The following PDE3A variants were observed in gnomAD, a reference collection of about 807,000 sequenced individuals.
PDE3A encodes the protein cGMP-inhibited 3',5'-cyclic phosphodiesterase 3A.
In PDE3A, 43 loss-of-function variants were observed where a neutral mutation model predicts 98.3. That is an observed-to-expected ratio of 0.44 (90% CI 0.34 to 0.56). The LOEUF (loss-of-function observed/expected upper bound fraction) is 0.56, where lower values mean the gene tolerates loss of function less well. Ranked by LOEUF, PDE3A falls within the 20% of genes least tolerant of loss-of-function variation. PDE3A has a pLI of 0.01. For synonymous variants in PDE3A, 663 were observed against 567.9 expected, an observed-to-expected ratio of 1.17 and a Z score of -2.38; for missense variants, 1,427 against 1,440.7, an observed-to-expected ratio of 0.99 and a Z score of 0.15.
chr12:20,522,168 A>G (rs946831492), intron 1 of PDE3A, among the ~76,000 whole-genome samples: 1 of 152,036 alleles, frequency 6.6e-6, no homozygotes, highest in Admixed American at 6.6e-5. Flanking sequence ...GCTTAAGTTT[A>G]CCCTACAGCA....
chr12:20,545,738 G>A (rs1942033674), intron 1 of PDE3A, among the ~76,000 whole-genome samples: 1 of 147,666 alleles, frequency 6.8e-6, no homozygotes, highest in African/African-American at 2.5e-5. Flanking sequence ...CAGTCCTCTT[G>A]CCCTACCCCA....
At chr12:20,388,174 G>A (rs1182666968) in intron 1 of PDE3A, among the ~76,000 whole-genome samples, 1 of 151,978 alleles carries the variant, frequency 6.6e-6, no homozygotes, top group Non-Finnish European at 1.5e-5. Flanking sequence ...GGTGCTTTTA[G>A]GAATGGTAAT....
chr12:20,656,123 T>C (rs1313400133), intron 15 of PDE3A, among the ~76,000 whole-genome samples: 4 of 152,202 alleles, frequency 2.6e-5, no homozygotes, highest in Admixed American at 1.3e-4. Flanking sequence ...CCTAAGAACA[T>C]AGTATGTGAT....
Position 20,681,178 on chromosome 12 carries a change from A to T in PDE3A, c.*907A>T, listed in dbSNP as rs374759223. 6.6e-6 allele frequency: 1 copy of T among 152,192 alleles called. No homozygotes were observed. Among genetic ancestry groups the T allele is most frequent in the South Asian group, 2.1e-4 (1 of 4,828 alleles). 9.4% of individuals were successfully genotyped at this position (152,192 alleles called of 1,614,324 possible). On this transcript the variant is annotated 3_prime_UTR_variant, in exon 16 of 16. Transcript: ENST00000359062. ...TGAAGGAGCTCTATCACCAGCCTCA[A>T]ACCCGAAAGACTGAGGCATTTTCCA...
In PDE3A at chr12:20,683,365, T is replaced by G. The variant is rs1419412947; in HGVS notation, c.*3094T>G. 6.6e-6 allele frequency: 1 copy of G among 152,200 alleles called. No individual in the cohort carries two copies. Among genetic ancestry groups the G allele is most frequent in the Non-Finnish European group, 1.5e-5 (1 of 68,040 alleles). The allele number at this position is 152,200 out of a possible 1,614,324, so 9.4% of individuals were successfully genotyped here. A position where few individuals can be genotyped will look rare whatever the true frequency, so the allele number is the denominator to read the frequency against. On this transcript the variant is annotated 3_prime_UTR_variant, in exon 16 of 16. Transcript: ENST00000359062. ...AGCCTATTTATAGGTGCCATTAAAC[T>G]CAGGTCTTTCAAATGAAAGAGTTTC...
intron 1 of PDE3A, among the ~76,000 whole-genome samples, chr12:20,392,526 AATAAATAC>A (rs201066356): frequency 0.29 from 29,873 of 102,944 alleles, 3,275 homozygotes; most frequent in East Asian, 0.43. Flanking sequence ...TAAATAAATA[AATAAATAC>A]ATAAATAAAT....
At chr12:20,653,151 C>T (rs1944960624) in intron 14 of PDE3A, among the ~76,000 whole-genome samples, 1 of 151,856 alleles carries the variant, frequency 6.6e-6, no homozygotes, top group Non-Finnish European at 1.5e-5. Flanking sequence ...TGAAGCACTT[C>T]AAAATAAAAC....
intron 15 of PDE3A, among the ~76,000 whole-genome samples, chr12:20,669,972 A>C (rs540642718): frequency 6.6e-6 from 1 of 152,072 alleles, no homozygotes; most frequent in Non-Finnish European, 1.5e-5. Flanking sequence ...GTGCAGACAC[A>C]CATAGGCTCA....
intron 15 of PDE3A, among the ~76,000 whole-genome samples, chr12:20,660,041 T>A (rs1945127805): frequency 6.6e-6 from 1 of 152,086 alleles, no homozygotes. Flanking sequence ...ATAATCCCCA[T>A]GTGTCGTGGG....
chr12:20,461,256 A>AG (rs1218618404), intron 1 of PDE3A, among the ~76,000 whole-genome samples: 3 of 151,070 alleles, frequency 2.0e-5, no homozygotes, highest in Non-Finnish European at 4.4e-5. Context: ...AAAAAAAAAA[A>AG]GAGGATCTTG....
Position 20,621,395 on chromosome 12 carries a change from A to G in PDE3A, c.1524A>G (p.Lys508=), listed in dbSNP as rs772058391. ...AISAANHVKA[K]KQSRPGALAK... is the part of the protein sequence containing the mutation. ...CTGCAGCTAACCATGTAAAGGCTAA[A>G]AAGCAAAGTCGACCAGGTAAGTAAC... Residue 508 remains lysine (K), a synonymous_variant, in exon 5 of 16, where the codon AAA becomes AAG. Coordinates refer to ENST00000359062, the MANE Select transcript of PDE3A (RefSeq NM_000921.5). The G allele has an allele frequency of 5.0e-6, 8 of 1,603,532 alleles. No individual in the cohort carries two copies. In the African/African-American group the frequency reaches 9.4e-5, roughly 19 times the overall value.
At chr12:20,581,771 C>G (rs1339136706) in intron 2 of PDE3A, among the ~76,000 whole-genome samples, 1 of 151,762 alleles carries the variant, frequency 6.6e-6, no homozygotes, top group Non-Finnish European at 1.5e-5. Flanking sequence ...CGCCACTACG[C>G]CCGGCTAATT....
At chr12:20,380,738 A>G (rs1478179358) in intron 1 of PDE3A, among the ~76,000 whole-genome samples, 1 of 151,858 alleles carries the variant, frequency 6.6e-6, no homozygotes, top group Non-Finnish European at 1.5e-5. Flanking sequence ...TATCACTGAC[A>G]ACTTCCAGAG....
At chr12:20,649,303 T>G (rs1161895861) in intron 13 of PDE3A, among the ~76,000 whole-genome samples, 1 of 152,108 alleles carries the variant, frequency 6.6e-6, no homozygotes, top group African/African-American at 2.4e-5. Flanking sequence ...CATGTTACTA[T>G]GAACTCCCAT....
intron 5 of PDE3A, among the ~76,000 whole-genome samples, chr12:20,624,015 T>TG (rs1944201023): frequency 6.6e-6 from 1 of 152,116 alleles, no homozygotes; most frequent in Non-Finnish European, 1.5e-5. Context: ...TAATACGTAA[T>TG]TCAAGAGATG....
intron 1 of PDE3A, among the ~76,000 whole-genome samples, chr12:20,396,005 C>T (rs1591883641): frequency 6.6e-6 from 1 of 152,066 alleles, no homozygotes; most frequent in East Asian, 1.9e-4. Context: ...AAGTGACCCT[C>T]TGGCCTTGGC....
chr12:20,533,920 T>G (rs372174698), intron 1 of PDE3A, among the ~76,000 whole-genome samples: 32 of 152,142 alleles, frequency 2.1e-4, no homozygotes, highest in African/African-American at 6.5e-4. Context: ...ACCATTTTCT[T>G]TTTAGTGCAT....
intron 1 of PDE3A, among the ~76,000 whole-genome samples, chr12:20,466,229 C>T (rs138166126): frequency 1.1e-4 from 16 of 152,306 alleles, no homozygotes; most frequent in Admixed American, 9.8e-4. Context: ...AGCAAAGAAA[C>T]AGGATGCTTC....
intron 1 of PDE3A, among the ~76,000 whole-genome samples, chr12:20,422,529 A>G (rs754638058): frequency 1.3e-5 from 2 of 152,204 alleles, no homozygotes; most frequent in Non-Finnish European, 2.9e-5. Context: ...GTTCCATTGC[A>G]TGTTATTATT....
Sources: gnomAD v4.1 joint callset for allele counts (sites outside exome capture counted in the v4.1 genomes callset) on GRCh38, gnomAD v4.1.1 for gene constraint, MANE v1.5 for transcripts, NCBI Gene and HGNC (gene_info 2026-07-23, HGNC 2026-07-21) for gene names.